Variants in NCOA2 observed in about 807,000 individuals in gnomAD.
The protein encoded by NCOA2 is class E basic helix-loop-helix protein 75.
NCOA2 carries 21 observed loss-of-function variants against 145.1 expected under a neutral mutation model. The ratio of observed to expected loss-of-function variants is 0.14; its 90% confidence interval spans 0.10 to 0.21. The LOEUF is 0.21. Ranked by LOEUF, NCOA2 falls within the 10% of genes least tolerant of loss-of-function variation. The pLI is 1.00. For synonymous variants in NCOA2, 619 were observed against 637.5 expected (o/e 0.97, Z 0.44); for missense variants, 1,472 against 1,837.6 (o/e 0.80, Z 3.64).
intron 1 of NCOA2, among the ~76,000 whole-genome samples, chr8:70,360,053 T>C (rs920592862): frequency 2.0e-5 from 3 of 152,210 alleles, no homozygotes; most frequent in African/African-American, 7.2e-5. Context: ...TTTGAGGTTA[T>C]CCCTACTCTG....
intron 2 of NCOA2, among the ~76,000 whole-genome samples, chr8:70,253,304 T>C (rs1169183847): frequency 6.6e-6 from 1 of 152,176 alleles, no homozygotes; most frequent in Non-Finnish European, 1.5e-5. Context: ...CTAAGTTAAT[T>C]TCATCCAACA....
chr8:70,307,219 G>T, intron 1 of NCOA2, among the ~76,000 whole-genome samples: 1 of 18,836 alleles, frequency 5.3e-5, no homozygotes, highest in East Asian at 2.4e-3. Context: ...ACCTACATAA[G>T]CAAAAAAAAA....
At position 70,156,176 on chromosome 8, in the gene NCOA2, A is replaced by G. The variant is rs1447587767; in HGVS notation, c.2189T>C (p.Ile730Thr). 2 of 1,613,908 alleles carry G rather than the reference A, an allele frequency of 1.2e-6. No homozygotes were observed. The highest frequency in any genetic ancestry group is 8.5e-7 in the Non-Finnish European group (1 of 1,179,872). Reference protein sequence around the residue: ...SSTAPGSEVTIKQEPVSPKKK... With the variant: ...SSTAPGSEVTTKQEPVSPKKK... ...CTTGGGGCTCACCGGCTCTTGTTTA[A>G]TAGTCACTTCTGATCCAGGAGCTGT... is the stretch of plus-strand genomic sequence containing the variant. Residue 730 changes from isoleucine (I) to threonine (T), a missense_variant, in exon 11 of 23, where the codon ATT becomes ACT. Around this residue, in one of 4 missense-constraint regions of NCOA2, gnomAD observed 953 missense variants for 1,062.1 expected, o/e 0.90. Transcript: ENST00000452400.
chr8:70,153,895 G>C (rs1585864212), intron 11 of NCOA2, among the ~76,000 whole-genome samples: 2 of 152,116 alleles, frequency 1.3e-5, no homozygotes, highest in East Asian at 3.8e-4. Flanking sequence ...ATATAATTTG[G>C]CTCCGCTTCC....
chr8:70,308,968 A>G (rs1278365095), intron 1 of NCOA2, among the ~76,000 whole-genome samples: 1 of 152,160 alleles, frequency 6.6e-6, no homozygotes, highest in Admixed American at 6.5e-5. Flanking sequence ...TGGCTTGACC[A>G]AGAGAATATA....
the NCOA2 span, among the ~76,000 whole-genome samples, chr8:70,439,846 G>C: frequency 1.3e-5 from 2 of 152,110 alleles, no homozygotes; most frequent in Admixed American, 6.5e-5. Context: ...CCTGTCAGAG[G>C]GCCTGCCGTG....
At chr8:70,453,296 T>C in the NCOA2 span, among the ~76,000 whole-genome samples, 1,129 of 152,212 alleles carry the variant, frequency 7.4e-3, 15 homozygotes, top group African/African-American at 0.025. Context: ...AATGTCAGAG[T>C]CTGGGGCAGG....
chr8:70,201,086 A>G (rs1817844764), intron 4 of NCOA2, among the ~76,000 whole-genome samples: 1 of 148,060 alleles, frequency 6.8e-6, no homozygotes, highest in African/African-American at 2.5e-5. Flanking sequence ...AAGTGAATTT[A>G]CTTAATGCCA....
chr8:70,269,589 T>C (rs899668573), intron 2 of NCOA2, among the ~76,000 whole-genome samples: 3 of 152,182 alleles, frequency 2.0e-5, no homozygotes, highest in African/African-American at 7.2e-5. Flanking sequence ...AAAACAATGA[T>C]GGTAGCACTA....
chr8:70,142,612 T>A (rs1810571215), intron 13 of NCOA2, among the ~76,000 whole-genome samples: 1 of 152,066 alleles, frequency 6.6e-6, no homozygotes, highest in African/African-American at 2.4e-5. Context: ...GGTGGGAGGA[T>A]CACTTGAGCC....
intron 2 of NCOA2, among the ~76,000 whole-genome samples, chr8:70,271,604 G>C (rs760793972): frequency 3.3e-5 from 5 of 152,112 alleles, no homozygotes; most frequent in Non-Finnish European, 5.9e-5. Context: ...ATGCTTTCCA[G>C]AGCTTACATG....
In NCOA2 at chr8:70,122,892, A is replaced by G. The variant is rs568426732; in HGVS notation, c.4293+992T>C. 2.0e-5 allele frequency among the ~76,000 whole-genome samples: 3 copies of G among 152,334 alleles called. No homozygotes were observed. In the South Asian group the frequency reaches 6.2e-4, roughly 32 times the overall value. On this transcript the variant is annotated intron_variant, in intron 21 of 22. Transcript: ENST00000452400. ...CAGTGATTTCATGCTTAAGTCATTTACACTTTCCATACTGCACTTTCTCCT... is the reference window on the plus strand; with the variant it reads ...CAGTGATTTCATGCTTAAGTCATTTGCACTTTCCATACTGCACTTTCTCCT...
At chr8:70,143,486 A>G (rs1015213228) in intron 13 of NCOA2, among the ~76,000 whole-genome samples, 2 of 152,054 alleles carry the variant, frequency 1.3e-5, no homozygotes, top group African/African-American at 4.8e-5. Flanking sequence ...TTTTAAATTA[A>G]TCTTTGTTTA....
At chr8:70,147,398 G>T (rs1172753607) in intron 12 of NCOA2, among the ~76,000 whole-genome samples, 1 of 152,186 alleles carries the variant, frequency 6.6e-6, no homozygotes, top group Non-Finnish European at 1.5e-5. Context: ...ACTGATGGTT[G>T]CCATTTTTGA....
At chr8:70,116,558 A>C (rs1348594254) in intron 22 of NCOA2, among the ~76,000 whole-genome samples, 2 of 152,188 alleles carry the variant, frequency 1.3e-5, no homozygotes, top group Non-Finnish European at 2.9e-5. Flanking sequence ...AAAAAAAAAA[A>C]AATTCTGGAA....
At chr8:70,287,381 C>CT (rs1315959431) in intron 2 of NCOA2, among the ~76,000 whole-genome samples, 1 of 151,996 alleles carries the variant, frequency 6.6e-6, no homozygotes, top group Non-Finnish European at 1.5e-5. Flanking sequence ...AGAATGTACT[C>CT]TTTTCTAAAT....
chr8:70,418,435 G>A, the NCOA2 span, among the ~76,000 whole-genome samples: 3 of 152,138 alleles, frequency 2.0e-5, no homozygotes, highest in East Asian at 1.9e-4. Context: ...AGGAGGTCCC[G>A]TTCTGTGGAT....
At chr8:70,160,659 C>G (rs6472511) in intron 9 of NCOA2, among the ~76,000 whole-genome samples, 107 of 132,232 alleles carry the variant, frequency 8.1e-4, no homozygotes, top group East Asian at 1.1e-3. Flanking sequence ...AAGTGAGAGA[C>G]AGAGAGAGAG....
At chr8:70,155,274 A>G (rs1317088160) in intron 11 of NCOA2, among the ~76,000 whole-genome samples, 1 of 152,214 alleles carries the variant, frequency 6.6e-6, no homozygotes, top group Non-Finnish European at 1.5e-5. Flanking sequence ...GGTCTAAGAA[A>G]TTCTTTTGCA....
Sources: allele counts gnomAD v4.1 joint callset (sites outside exome capture counted in the v4.1 genomes callset), GRCh38; gene constraint gnomAD v4.1.1; regional missense constraint gnomAD v4.1.1; transcripts MANE v1.5; gene names NCBI Gene and HGNC (gene_info 2026-07-23, HGNC 2026-07-21).